SCN1A: variants seen among roughly 807,000 people sequenced by gnomAD.
SCN1A encodes the protein sodium voltage-gated channel alpha subunit 1.
A neutral mutation model predicts 193.7 loss-of-function variants in SCN1A; 13 were observed. The ratio of observed to expected loss-of-function variants is 0.07; its 90% CI spans 0.04 to 0.11. The LOEUF is 0.11. Ranked by LOEUF, SCN1A falls within the 10% of genes least tolerant of loss-of-function variation. SCN1A has a pLI of 1.00. For missense variants in SCN1A, 1,432 were observed against 2,451.1 expected (o/e 0.58, Z 8.78); for synonymous variants, 781 against 843.6 (o/e 0.93, Z 1.29).
intron 2 of SCN1A, among the ~76,000 whole-genome samples, chr2:166,111,439 GAA>G (rs113807871): frequency 8.4e-5 from 12 of 142,550 alleles, no homozygotes; most frequent in African/African-American, 3.1e-4. Context: ...CTACTGCTCA[GAA>G]AAAAAAAAAA....
chr2:166,025,882 A>G (rs2105721064), intron 19 of SCN1A, among the ~76,000 whole-genome samples: 1 of 152,272 alleles, frequency 6.6e-6, no homozygotes, highest in South Asian at 2.1e-4. Flanking sequence ...CTTCTTCCAC[A>G]AATTTTGACA....
At chr2:165,993,050 T>G (rs982842724) in intron 28 of SCN1A, 7 of 152,072 alleles carry the variant, frequency 4.6e-5, no homozygotes, top group African/African-American at 1.7e-4. Flanking sequence ...AATCTCAGTC[T>G]TCTTATTTTC....
intron 19 of SCN1A, among the ~76,000 whole-genome samples, chr2:166,032,208 C>G (rs1397034609): frequency 6.6e-6 from 1 of 150,888 alleles, no homozygotes; most frequent in Non-Finnish European, 1.5e-5. Context: ...GTCATACACA[C>G]ACACACACAC....
At chr2:166,145,999 G>A (rs1692306643) in intron 1 of SCN1A, among the ~76,000 whole-genome samples, 1 of 152,056 alleles carries the variant, frequency 6.6e-6, no homozygotes, top group South Asian at 2.1e-4. Context: ...AGAAAATGCG[G>A]GTAGAAGCCC....
At chr2:166,017,592 T>C (rs1333614473) in intron 19 of SCN1A, among the ~76,000 whole-genome samples, 1 of 152,054 alleles carries the variant, frequency 6.6e-6, no homozygotes, top group Non-Finnish European at 1.5e-5. Flanking sequence ...CGGGACATAA[T>C]GAAATTCATT....
chr2:166,017,993 G>A (rs896941240), intron 19 of SCN1A, among the ~76,000 whole-genome samples: 1 of 151,966 alleles, frequency 6.6e-6, no homozygotes, highest in African/African-American at 2.4e-5. Context: ...CTTCATGTAA[G>A]TGCCACAGAT....
At chr2:166,049,250 T>C (rs950044790) in intron 9 of SCN1A, among the ~76,000 whole-genome samples, 3 of 151,950 alleles carry the variant, frequency 2.0e-5, no homozygotes, top group Non-Finnish European at 4.4e-5. Flanking sequence ...TTAGTGATAA[T>C]GACAGGTACT....
chr2:165,997,430 A>G (rs1690231055), intron 26 of SCN1A, among the ~76,000 whole-genome samples: 2 of 151,394 alleles, frequency 1.3e-5, no homozygotes, highest in African/African-American at 4.8e-5. Context: ...GATGATATTT[A>G]TTTACTTTCC....
chr2:166,146,606 G>A (rs1480312135), intron 1 of SCN1A, among the ~76,000 whole-genome samples: 1 of 152,156 alleles, frequency 6.6e-6, no homozygotes, highest in Non-Finnish European at 1.5e-5. Context: ...ACCCCACAGC[G>A]AAGAATATCT....
chr2:166,097,763 T>C (rs1361726042), intron 2 of SCN1A, among the ~76,000 whole-genome samples: 12 of 152,148 alleles, frequency 7.9e-5, no homozygotes, highest in Admixed American at 7.9e-4. Flanking sequence ...AAATATTTTG[T>C]AGGGACAGGG....
At chr2:166,096,187 T>C (rs561178056) in intron 2 of SCN1A, among the ~76,000 whole-genome samples, 34 of 152,364 alleles carry the variant, frequency 2.2e-4, no homozygotes, top group East Asian at 7.7e-4. Context: ...CAATGTCTAT[T>C]GTTACTATCA....
chr2:166,089,534 A>G (rs544748209), intron 2 of SCN1A, among the ~76,000 whole-genome samples: 1 of 152,030 alleles, frequency 6.6e-6, no homozygotes, highest in Non-Finnish European at 1.5e-5. Context: ...GGGTTAATCA[A>G]TCAGAGAGAG....
chr2:166,056,316 TA>T (rs1699123193), intron 6 of SCN1A, 94 bp downstream of exon 6: 2 of 841,448 alleles, frequency 2.4e-6, no homozygotes, highest in Non-Finnish European at 4.0e-6. Context: ...ATGACTTTAA[TA>T]AAATGCTCTT....
At chr2:166,025,144 C>T (rs1198030048) in intron 19 of SCN1A, among the ~76,000 whole-genome samples, 8 of 152,018 alleles carry the variant, frequency 5.3e-5, no homozygotes, top group Non-Finnish European at 7.4e-5. Context: ...TTCTGTAGGT[C>T]GGAAGTCTGG....
chr2:166,009,604 G>T, intron 23 of SCN1A, 115 bp downstream of exon 23: 1 of 911,794 alleles, frequency 1.1e-6, no homozygotes, highest in Non-Finnish European at 1.6e-6. Flanking sequence ...CAATAAAGTA[G>T]CAATTTTGCA....
chr2:166,043,419 A>G (rs1697390249), intron 14 of SCN1A, among the ~76,000 whole-genome samples: 1 of 152,192 alleles, frequency 6.6e-6, no homozygotes, highest in South Asian at 2.1e-4. Flanking sequence ...AAATCCTCCA[A>G]CTGGAGGCAG....
chr2:166,018,883 G>A (rs1339889450), intron 19 of SCN1A, among the ~76,000 whole-genome samples: 3 of 152,112 alleles, frequency 2.0e-5, no homozygotes. Flanking sequence ...AACTCTTGAA[G>A]AATGTAGTGG....
chr2:166,010,475 C>A (rs927131805), intron 22 of SCN1A, among the ~76,000 whole-genome samples: 1 of 151,048 alleles, frequency 6.6e-6, no homozygotes, highest in Non-Finnish European at 1.5e-5. Context: ...ATATCTGGCC[C>A]CAAAGGGCCA....
Position 166,041,398 on chromosome 2 carries a change from A to T in SCN1A, c.2248T>A (p.Cys750Ser), listed in dbSNP as rs1412626408. The change falls in exon 16 of 29, where the codon TGT becomes AGT. Residue 750 changes from cysteine (C) to serine (S), a missense_variant. This residue lies in a region of SCN1A where 316 missense variants were observed against 362.1 expected (regional missense o/e 0.87). Coordinates refer to ENST00000674923, the MANE Select transcript of SCN1A (RefSeq NM_001165963.4). The stretch of plus-strand genomic sequence containing the variant: ...TTCACTTTTAACCAATATGGAGAAC[A>T]GTCCCAGATTAAGAATATGTTGGAA... ...KFSNIFLIWD[C>S]SPYWLKVKHV... The T allele has an allele frequency of 6.2e-7, 1 of 1,613,934 alleles. No individual in the cohort carries two copies.
Sources: allele counts gnomAD v4.1 joint callset (sites outside exome capture counted in the v4.1 genomes callset), GRCh38; gene constraint gnomAD v4.1.1; regional missense constraint gnomAD v4.1.1; transcripts MANE v1.5; gene names NCBI Gene and HGNC (gene_info 2026-07-23, HGNC 2026-07-21).